IQGAP2: variants seen among roughly 807,000 people sequenced by gnomAD.
IQGAP2 encodes ras GTPase-activating-like protein IQGAP2.
A neutral mutation model predicts 201.3 loss-of-function variants in IQGAP2; 173 were observed. That is an observed-to-expected ratio of 0.86 (90% CI 0.76 to 0.98). The LOEUF (loss-of-function observed/expected upper bound fraction) is 0.98. IQGAP2 is among the 50% of genes least tolerant of loss of function. The pLI is 0.00. For missense variants in IQGAP2, 1,687 were observed against 1,864.8 expected (o/e 0.90, Z 1.76); for synonymous variants, 675 against 673.9 (o/e 1.00, Z -0.03).
intron 2 of IQGAP2, among the ~76,000 whole-genome samples, chr5:76,511,960 G>T (rs145201507): frequency 2.6e-5 from 4 of 152,150 alleles, no homozygotes; most frequent in Admixed American, 6.5e-5. Flanking sequence ...GATTACAGGC[G>T]TGAGCCACCG....
At chr5:76,496,730 TTTCTTTCTTTCTTTCTTTCTTTC>T (rs1561416176) in intron 2 of IQGAP2, among the ~76,000 whole-genome samples, 692 of 48,540 alleles carry the variant, frequency 0.014, 31 homozygotes, top group African/African-American at 0.038. Context: ...CTTTCTTTTC[TTTCTTTCTTTCTTTCTTTCTTTC>T]TTTCTTTCTT....
chr5:76,592,038 C>T (rs184851592), intron 8 of IQGAP2, among the ~76,000 whole-genome samples: 2 of 152,284 alleles, frequency 1.3e-5, no homozygotes, highest in East Asian at 3.9e-4. Flanking sequence ...CTCAGTCCTG[C>T]CCCTTCTGAC....
intron 1 of IQGAP2, among the ~76,000 whole-genome samples, chr5:76,419,673 CT>C (rs57338854): frequency 0.38 from 53,673 of 141,664 alleles, 10,247 homozygotes; most frequent in East Asian, 0.5. Context: ...CTTTTCTTTT[CT>C]TTTTTTTTTT....
chr5:76,640,570 C>T (rs540663035), intron 16 of IQGAP2, among the ~76,000 whole-genome samples: 59 of 152,238 alleles, frequency 3.9e-4, no homozygotes, highest in African/African-American at 1.4e-3. Flanking sequence ...CCTTGGCAGT[C>T]CGAGGGAAGC....
At position 76,668,730 on chromosome 5, in the gene IQGAP2, A is replaced by G. The variant is rs1394841187; in HGVS notation, c.2729A>G (p.Lys910Arg). Residue 910 changes from lysine (K) to arginine (R), a missense_variant, in exon 23 of 36, where the codon AAG (lysine) becomes AGG (arginine). Coordinates refer to ENST00000274364, the MANE Select transcript of IQGAP2 (RefSeq NM_006633.5). Reference protein sequence around the residue: ...AKLIFQMPQNKSTKFMDTVIF... With the variant: ...AKLIFQMPQNRSTKFMDTVIF... ...CTGATTTTCCAGATGCCACAGAACA[A>G]GTCCACTAAATTTATGGATACTGTT... is the stretch of plus-strand genomic sequence containing the variant. 67 of 1,612,378 alleles carry G rather than the reference A, an allele frequency of 4.2e-5. No individual in the cohort carries two copies. Among genetic ancestry groups the G allele is most frequent in the Non-Finnish European group, 5.4e-5 (64 of 1,179,226 alleles).
intron 19 of IQGAP2, 147 bp from the exon 20 acceptor site, chr5:76,654,787 A>G (rs558364573): frequency 6.1e-5 from 35 of 572,292 alleles, no homozygotes; most frequent in Non-Finnish European, 8.9e-5. Flanking sequence ...AAATGGAAAA[A>G]TAAATGTTGA....
chr5:76,672,495 A>G (rs553203620), intron 24 of IQGAP2, among the ~76,000 whole-genome samples: 1 of 152,322 alleles, frequency 6.6e-6, no homozygotes, highest in South Asian at 2.1e-4. Flanking sequence ...TAATAATAAA[A>G]AGTCAGGAAA....
At chr5:76,463,123 TAAAAAAA>T (rs5868826) in intron 2 of IQGAP2, among the ~76,000 whole-genome samples, 1 of 105,698 alleles carries the variant, frequency 9.5e-6, no homozygotes, top group Middle Eastern at 4.7e-3. Context: ...ACGCTGTCTT[TAAAAAAA>T]AAAAAAAAAA....
chr5:76,627,945 A>G (rs1750391823), intron 14 of IQGAP2, among the ~76,000 whole-genome samples: 1 of 152,246 alleles, frequency 6.6e-6, no homozygotes, highest in South Asian at 2.1e-4. Flanking sequence ...AGTCTACTCA[A>G]TTCTTACTTA....
intron 2 of IQGAP2, among the ~76,000 whole-genome samples, chr5:76,507,246 A>G (rs72775785): frequency 0.079 from 11,992 of 152,308 alleles, 655 homozygotes; most frequent in Non-Finnish European, 0.12. Context: ...ACAAAGGAGC[A>G]AAGGTGTGAT....
intron 1 of IQGAP2, among the ~76,000 whole-genome samples, chr5:76,461,211 T>TA (rs1441309636): frequency 6.6e-6 from 1 of 151,088 alleles, no homozygotes; most frequent in African/African-American, 2.4e-5. Context: ...ACTGTAAAAA[T>TA]AAAAAAACTA....
chr5:76,418,732 A>G (rs1421560807), intron 1 of IQGAP2, among the ~76,000 whole-genome samples: 3 of 152,208 alleles, frequency 2.0e-5, no homozygotes, highest in African/African-American at 7.2e-5. Flanking sequence ...CTGGAGGATA[A>G]AGCTTGGGAA....
chr5:76,517,855 T>C (rs1404842209), intron 2 of IQGAP2, among the ~76,000 whole-genome samples: 1 of 152,194 alleles, frequency 6.6e-6, no homozygotes, highest in Non-Finnish European at 1.5e-5. Flanking sequence ...ACTAAGATGG[T>C]AGGGCTGCTG....
intron 2 of IQGAP2, among the ~76,000 whole-genome samples, chr5:76,493,517 T>C (rs1756690730): frequency 6.6e-6 from 1 of 152,202 alleles, no homozygotes; most frequent in Non-Finnish European, 1.5e-5. Flanking sequence ...GACCCTGTCC[T>C]ACCTTTTGTT....
chr5:76,524,832 T>A (rs1561437622), intron 2 of IQGAP2, among the ~76,000 whole-genome samples: 1 of 152,250 alleles, frequency 6.6e-6, no homozygotes, highest in Non-Finnish European at 1.5e-5. Context: ...AGATTCGTTA[T>A]TTAAAATCTG....
chr5:76,503,589 A>T lies in IQGAP2; in HGVS notation c.146+41920A>T, dbSNP rs892996280. 9.4e-5 allele frequency among the ~76,000 whole-genome samples: 14 copies of T among 149,570 alleles called. No homozygotes were observed. In the East Asian group the frequency reaches 1.8e-3, roughly 19 times the overall value. On this transcript the variant is annotated intron_variant, in intron 2 of 35. Transcript: ENST00000274364. ...AGAACTCTCAGGTTACTTTTTTTTTAAAAATTTTATTTATTTTTTGATACA... is the reference window on the plus strand; with the variant it reads ...AGAACTCTCAGGTTACTTTTTTTTTTAAAATTTTATTTATTTTTTGATACA...
At chr5:76,499,181 G>A (rs568508552) in intron 2 of IQGAP2, among the ~76,000 whole-genome samples, 18 of 152,248 alleles carry the variant, frequency 1.2e-4, no homozygotes, top group Admixed American at 5.2e-4. Context: ...ACAAGAAGCC[G>A]TCTCCCCTAA....
At chr5:76,491,869 T>C (rs1756569975) in intron 2 of IQGAP2, among the ~76,000 whole-genome samples, 1 of 152,188 alleles carries the variant, frequency 6.6e-6, no homozygotes, top group Non-Finnish European at 1.5e-5. Context: ...ACCTTTGAGT[T>C]GTACCTTCAT....
At chr5:76,628,051 G>A (rs1750399673) in intron 14 of IQGAP2, among the ~76,000 whole-genome samples, 5 of 152,168 alleles carry the variant, frequency 3.3e-5, no homozygotes, top group Admixed American at 3.3e-4. Context: ...CCAGAATGGG[G>A]CCAGTTTACA....
Sources: allele counts gnomAD v4.1 joint callset (sites outside exome capture counted in the v4.1 genomes callset), GRCh38; gene constraint gnomAD v4.1.1; transcripts MANE v1.5; gene names NCBI Gene and HGNC (gene_info 2026-07-23, HGNC 2026-07-21).